FOXP2: variants seen among roughly 807,000 people sequenced by gnomAD.
FOXP2 encodes the protein forkhead box protein P2.
FOXP2 carries 12 observed loss-of-function variants against 115.8 expected under a neutral mutation model. The observed-to-expected ratio is 0.10, with a 90% CI of 0.07 to 0.17. The LOEUF (loss-of-function observed/expected upper bound fraction) is 0.17, where lower values mean the gene tolerates loss of function less well. FOXP2 is among the 10% of genes least tolerant of loss of function. FOXP2 has a pLI of 1.00. For missense variants in FOXP2, 629 were observed against 843.5 expected, an observed-to-expected ratio of 0.75 and a Z score of 3.15; for synonymous variants, 328 against 297.7, an observed-to-expected ratio of 1.10 and a Z score of -1.05.
intron 1 of FOXP2, among the ~76,000 whole-genome samples, chr7:114,243,627 T>C (rs1795205910): frequency 6.6e-6 from 1 of 152,216 alleles, no homozygotes; most frequent in East Asian, 1.9e-4. Flanking sequence ...TCCTTGAGAT[T>C]TTTTAAGATT....
At chr7:114,507,514 A>G (rs558747947) in intron 2 of FOXP2, among the ~76,000 whole-genome samples, 89 of 151,966 alleles carry the variant, frequency 5.9e-4, no homozygotes, top group Non-Finnish European at 1.1e-3. Flanking sequence ...GATGTTAAAA[A>G]CTGAGAAATA....
intron 1 of FOXP2, among the ~76,000 whole-genome samples, chr7:114,108,418 T>G (rs1791179324): frequency 6.6e-6 from 1 of 151,958 alleles, no homozygotes; most frequent in African/African-American, 2.4e-5. Flanking sequence ...TAGGATTTTC[T>G]GCTTTTGTTA....
intron 1 of FOXP2, among the ~76,000 whole-genome samples, chr7:114,136,744 G>C (rs1212531358): frequency 6.6e-6 from 1 of 151,722 alleles, no homozygotes; most frequent in East Asian, 1.9e-4. Context: ...AATCAAATCT[G>C]TTACAATGAA....
At chr7:114,524,894 G>A (rs1798790036) in intron 2 of FOXP2, among the ~76,000 whole-genome samples, 1 of 152,078 alleles carries the variant, frequency 6.6e-6, no homozygotes, top group Admixed American at 6.5e-5. Context: ...CAGATGTGGT[G>A]ATATAGGATG....
chr7:114,477,886 A>G (rs1296428559), intron 2 of FOXP2, among the ~76,000 whole-genome samples: 1 of 151,868 alleles, frequency 6.6e-6, no homozygotes, highest in Admixed American at 6.6e-5. Flanking sequence ...GATACTGTAT[A>G]TATTTAACTT....
chr7:114,651,190 G>A (rs1212933528), intron 8 of FOXP2, among the ~76,000 whole-genome samples: 3 of 151,884 alleles, frequency 2.0e-5, no homozygotes, highest in Non-Finnish European at 4.4e-5. Context: ...GAGCCCACTT[G>A]GGTAAATATA....
intron 1 of FOXP2, among the ~76,000 whole-genome samples, chr7:114,147,413 T>C (rs891635757): frequency 3.9e-5 from 6 of 152,120 alleles, no homozygotes; most frequent in Non-Finnish European, 5.9e-5. Context: ...TGCCATGATG[T>C]AGTGAAATAG....
At chr7:114,543,971 T>A (rs1480751819) in intron 3 of FOXP2, among the ~76,000 whole-genome samples, 1 of 152,216 alleles carries the variant, frequency 6.6e-6, no homozygotes, top group Admixed American at 6.5e-5. Flanking sequence ...TACCGGGAAA[T>A]GTTCCTTCAG....
intron 1 of FOXP2, among the ~76,000 whole-genome samples, chr7:114,136,591 G>A: frequency 6.6e-6 from 1 of 151,666 alleles, no homozygotes; most frequent in African/African-American, 2.4e-5. Flanking sequence ...GGTCTTTTGA[G>A]GATATAGTTT....
intron 2 of FOXP2, among the ~76,000 whole-genome samples, chr7:114,434,685 A>G (rs1794264318): frequency 6.6e-6 from 1 of 151,998 alleles, no homozygotes. Flanking sequence ...TAAGAAAAAA[A>G]TTAGGAGGTA....
At chr7:114,579,681 G>C (rs1801748343) in intron 3 of FOXP2, among the ~76,000 whole-genome samples, 1 of 151,992 alleles carries the variant, frequency 6.6e-6, no homozygotes, top group Non-Finnish European at 1.5e-5. Flanking sequence ...CAGTTCACAT[G>C]GATTAATTCC....
chr7:114,090,134 G>A (rs898732073), intron 1 of FOXP2, among the ~76,000 whole-genome samples: 18 of 151,858 alleles, frequency 1.2e-4, no homozygotes, highest in East Asian at 1.9e-4. Context: ...AATGATGAAC[G>A]TCATGTATTT....
intron 2 of FOXP2, among the ~76,000 whole-genome samples, chr7:114,405,006 T>C (rs1422712990): frequency 6.6e-6 from 1 of 152,016 alleles, no homozygotes; most frequent in South Asian, 2.1e-4. Context: ...AAATAATTTC[T>C]CTTAATATAT....
chr7:114,431,501 A>G (rs1360005322), intron 2 of FOXP2, among the ~76,000 whole-genome samples: 1 of 151,980 alleles, frequency 6.6e-6, no homozygotes, highest in East Asian at 1.9e-4. Flanking sequence ...GTACCTGCAA[A>G]TTAAGTGGCT....
chr7:114,297,564 G>T (rs1184897344), intron 2 of FOXP2: 1 of 222,690 alleles, frequency 4.5e-6, no homozygotes, highest in Non-Finnish European at 9.0e-6. Flanking sequence ...TCACAGTTAG[G>T]CATAAAGGAT....
intron 2 of FOXP2, among the ~76,000 whole-genome samples, chr7:114,358,727 GAGATGAT>G (rs1235130027): frequency 1.5e-4 from 23 of 152,194 alleles, no homozygotes; most frequent in Non-Finnish European, 2.4e-4. Context: ...GAACTTGAGA[GAGATGAT>G]TTAGGGTATC....
At chr7:114,132,129 A>G (rs1295606015) in intron 1 of FOXP2, among the ~76,000 whole-genome samples, 1 of 152,224 alleles carries the variant, frequency 6.6e-6, no homozygotes, top group African/African-American at 2.4e-5. Context: ...ATTACCTACT[A>G]AAACATATTA....
chr7:114,646,060 TAAAAAA>T (rs57137258), intron 8 of FOXP2, among the ~76,000 whole-genome samples: 1 of 85,662 alleles, frequency 1.2e-5, no homozygotes, highest in Non-Finnish European at 2.3e-5. Flanking sequence ...TTTTCTTCTC[TAAAAAA>T]AAAAAAAAAA....
intron 3 of FOXP2, among the ~76,000 whole-genome samples, chr7:114,607,042 A>G (rs1584945916): frequency 6.6e-6 from 1 of 152,160 alleles, no homozygotes. Context: ...CATCTGTGCC[A>G]TATTGTTATG....
Sources: gnomAD v4.1 joint callset for allele counts (sites outside exome capture counted in the v4.1 genomes callset) on GRCh38, gnomAD v4.1.1 for gene constraint, MANE v1.5 for transcripts, NCBI Gene and HGNC (gene_info 2026-07-23, HGNC 2026-07-21) for gene names.